Variants in FAM219A observed in about 807,000 individuals in gnomAD.
The protein encoded by FAM219A is protein FAM219A.
FAM219A carries 7 observed loss-of-function variants against 23.4 expected under a neutral mutation model. The ratio of observed to expected loss-of-function variants is 0.30; its 90% CI spans 0.17 to 0.56. The LOEUF is 0.56. Among genes scored for constraint, FAM219A ranks in the 20% least tolerant of loss-of-function variants. The pLI is 0.92. For synonymous variants in FAM219A, 93 were observed against 99.0 expected (o/e 0.94, Z 0.36); for missense variants, 166 against 246.9 (o/e 0.67, Z 2.20).
Position 34,402,796 on chromosome 9 carries a change from C to T in FAM219A, c.172G>A (p.Glu58Lys). 15 of 1,614,098 alleles carry T rather than the reference C, an allele frequency of 9.3e-6. No homozygotes were observed. Among genetic ancestry groups the T allele is most frequent in the Non-Finnish European group, 1.3e-5 (15 of 1,179,972 alleles). Reference protein sequence around the residue: ...PLQVKLEKQRELARKGSLKNG... With the variant: ...PLQVKLEKQRKLARKGSLKNG... ...TTCAGGGAGCCCTTCCGGGCCAGCT[C>T]CCGCTGCTTCTCTGCAGGAGAACAT... The change falls in exon 3 of 6, where the codon GAG (glutamate) becomes AAG (lysine). Residue 58 changes from glutamate (E) to lysine (K), a missense_variant. Glu to Lys is a moderately conservative substitution (Grantham distance 56, BLOSUM62 1). This residue lies in a region of FAM219A where 89 missense variants were observed against 98.8 expected (regional missense o/e 0.90). Coordinates refer to ENST00000651358, the MANE Select transcript of FAM219A (RefSeq NM_001184940.2).
chr9:34,442,562 G>A (rs1418812991), intron 1 of FAM219A, among the ~76,000 whole-genome samples: 1 of 152,042 alleles, frequency 6.6e-6, no homozygotes, highest in Non-Finnish European at 1.5e-5. Flanking sequence ...GCACGTGCCT[G>A]TAATCCCAGC....
intron 1 of FAM219A, among the ~76,000 whole-genome samples, chr9:34,438,330 G>T (rs1025455718): frequency 6.6e-6 from 1 of 152,236 alleles, no homozygotes; most frequent in South Asian, 2.1e-4. Flanking sequence ...GAGGAGTGCG[G>T]GCGCATGGCA....
chr9:34,452,658 A>G (rs953626959), intron 1 of FAM219A, among the ~76,000 whole-genome samples: 1 of 152,180 alleles, frequency 6.6e-6, no homozygotes, highest in Non-Finnish European at 1.5e-5. Flanking sequence ...ACCTAAACTC[A>G]GATTTGATCA....
At chr9:34,433,999 A>T (rs538643417) in intron 1 of FAM219A, among the ~76,000 whole-genome samples, 1 of 151,916 alleles carries the variant, frequency 6.6e-6, no homozygotes, top group Non-Finnish European at 1.5e-5. Flanking sequence ...TCAGGAGATC[A>T]AGACCATCCT....
intron 2 of FAM219A, among the ~76,000 whole-genome samples, chr9:34,405,384 G>A (rs144916742): frequency 8.7e-4 from 133 of 152,288 alleles, no homozygotes; most frequent in African/African-American, 3.1e-3. Flanking sequence ...TCTAAGAAAC[G>A]AAGGGAAAAC....
At chr9:34,432,161 T>G (rs930423054) in intron 1 of FAM219A, among the ~76,000 whole-genome samples, 6 of 152,204 alleles carry the variant, frequency 3.9e-5, no homozygotes, top group African/African-American at 1.4e-4. Context: ...CCTCAGCTCT[T>G]TTGCCCACTT....
At chr9:34,420,108 T>G (rs1162906909) in intron 1 of FAM219A, among the ~76,000 whole-genome samples, 1 of 152,194 alleles carries the variant, frequency 6.6e-6, no homozygotes. Context: ...TTGCCACTTG[T>G]TCAGAACTTT....
intron 1 of FAM219A, among the ~76,000 whole-genome samples, chr9:34,418,427 T>C (rs1822116642): frequency 6.6e-6 from 1 of 152,190 alleles, no homozygotes; most frequent in African/African-American, 2.4e-5. Flanking sequence ...GGATAATCAC[T>C]GTAGCTATGG....
chr9:34,452,282 CA>C (rs1396871081), intron 1 of FAM219A, among the ~76,000 whole-genome samples: 1 of 152,166 alleles, frequency 6.6e-6, no homozygotes, highest in Non-Finnish European at 1.5e-5. Context: ...GGATTCCTCA[CA>C]ACCCCAAGAA....
At chr9:34,414,516 C>T (rs1821931072) in intron 1 of FAM219A, among the ~76,000 whole-genome samples, 1 of 152,096 alleles carries the variant, frequency 6.6e-6, no homozygotes, top group African/African-American at 2.4e-5. Context: ...TATCCCAGAA[C>T]TTAAAATAAA....
intron 1 of FAM219A, among the ~76,000 whole-genome samples, chr9:34,453,540 C>T (rs2132023462): frequency 6.6e-6 from 1 of 152,308 alleles, no homozygotes; most frequent in East Asian, 1.9e-4. Flanking sequence ...CTTCTCTTGG[C>T]CACCCACTGG....
Position 34,405,893 on chromosome 9 carries a change from G to T in FAM219A, c.132C>A (p.Tyr44Ter). ...GCTTCACTTGGAGCGGGGATGGTTT[G>T]TAATTCATGGCTACTGACTCACCCT... ...AREGESVAMNYKPSPLQVKLE... is the reference protein window; with the variant it reads ...AREGESVAMN Residue 44 changes from tyrosine to a stop codon, truncating the protein, a stop_gained, in exon 2 of 6, where the codon TAC becomes TAA. Coordinates refer to ENST00000651358, the MANE Select transcript of FAM219A (RefSeq NM_001184940.2). LOFTEE classifies it high-confidence loss of function. 6.2e-7 allele frequency: 1 copy of T among 1,614,064 alleles called. No individual in the cohort carries two copies. The highest frequency in any genetic ancestry group is 8.5e-7 in the Non-Finnish European group (1 of 1,179,980).
chr9:34,402,222 T>A (rs980903642), intron 4 of FAM219A, 165 bp downstream of exon 4: 3 of 1,585,578 alleles, frequency 1.9e-6, no homozygotes, highest in Non-Finnish European at 2.6e-6. Context: ...CAACCCCCAG[T>A]CCCTGGTGTA....
intron 1 of FAM219A, among the ~76,000 whole-genome samples, chr9:34,449,035 T>C (rs1334410344): frequency 2.0e-5 from 3 of 148,942 alleles, no homozygotes; most frequent in East Asian, 3.9e-4. Context: ...GCCACACTGG[T>C]TTAAAAGTAA....
chr9:34,451,094 G>A (rs2132019751), intron 1 of FAM219A, among the ~76,000 whole-genome samples: 1 of 152,280 alleles, frequency 6.6e-6, no homozygotes, highest in African/African-American at 2.4e-5. Flanking sequence ...AGAATGTAAA[G>A]CCTAGGAGGA....
intron 1 of FAM219A, among the ~76,000 whole-genome samples, chr9:34,429,276 C>T (rs1822602896): frequency 6.6e-6 from 1 of 152,032 alleles, no homozygotes; most frequent in Admixed American, 6.6e-5. Flanking sequence ...AATAAGGGAC[C>T]CAGAAGCCTA....
At chr9:34,421,160 C>G (rs2131963877) in intron 1 of FAM219A, among the ~76,000 whole-genome samples, 1 of 152,066 alleles carries the variant, frequency 6.6e-6, no homozygotes, top group East Asian at 1.9e-4. Flanking sequence ...CCATAGAGGC[C>G]TGGGGGCCAG....
At chr9:34,418,279 C>A (rs1461304251) in intron 1 of FAM219A, among the ~76,000 whole-genome samples, 2 of 152,028 alleles carry the variant, frequency 1.3e-5, no homozygotes, top group Non-Finnish European at 2.9e-5. Flanking sequence ...ATTTAGAATC[C>A]TGCTCTGCTT....
chr9:34,451,883 G>A (rs1361311628), intron 1 of FAM219A, among the ~76,000 whole-genome samples: 5 of 152,112 alleles, frequency 3.3e-5, no homozygotes, highest in South Asian at 2.1e-4. Context: ...AGGAAAGTAC[G>A]TGTCCTTTTC....
Sources: gnomAD v4.1 joint callset for allele counts (sites outside exome capture counted in the v4.1 genomes callset) on GRCh38, gnomAD v4.1.1 for gene constraint, gnomAD v4.1.1 regional missense constraint, MANE v1.5 for transcripts, NCBI Gene and HGNC (gene_info 2026-07-23, HGNC 2026-07-21) for gene names.